The following ABCC4 variants were observed in gnomAD, a reference collection of about 807,000 sequenced individuals.
The protein encoded by ABCC4 is ATP binding cassette subfamily C member 4 (PEL blood group).
ABCC4 carries 102 observed loss-of-function variants against 168.5 expected under a neutral mutation model. The ratio of observed to expected loss-of-function variants is 0.61; its 90% CI spans 0.52 to 0.71. ABCC4 has a LOEUF of 0.71. Ranked by LOEUF, ABCC4 falls within the 30% of genes least tolerant of loss-of-function variation. The probability of loss-of-function intolerance (pLI) is 0.00; values close to 1 mark genes in which losing one functional copy is unlikely to be tolerated. For missense variants in ABCC4, 1,402 were observed against 1,605.8 expected (o/e 0.87, Z 2.17); for synonymous variants, 617 against 590.7 (o/e 1.04, Z -0.65).
intron 30 of ABCC4, among the ~76,000 whole-genome samples, chr13:95,030,548 T>A (rs146702631): frequency 2.3e-4 from 35 of 152,238 alleles, no homozygotes; most frequent in African/African-American, 8.2e-4. Context: ...TTTAAAGGTG[T>A]AATTAAGTTA....
At chr13:95,151,502 G>C (rs949174975) in intron 19 of ABCC4, among the ~76,000 whole-genome samples, 17 of 146,802 alleles carry the variant, frequency 1.2e-4, no homozygotes, top group East Asian at 4.0e-4. Flanking sequence ...AGAAGAAGAA[G>C]AACAAAGAGG....
intron 20 of ABCC4, among the ~76,000 whole-genome samples, chr13:95,097,538 A>C (rs2034643724): frequency 6.6e-6 from 1 of 151,212 alleles, no homozygotes; most frequent in Non-Finnish European, 1.5e-5. Context: ...ATTATAAGCC[A>C]ACTTGACCTG....
At chr13:95,202,987 G>A (rs923971255) in intron 8 of ABCC4, among the ~76,000 whole-genome samples, 2 of 152,030 alleles carry the variant, frequency 1.3e-5, no homozygotes, top group Admixed American at 6.6e-5. Flanking sequence ...TGACGGCCTG[G>A]GCTAAAGCCC....
At chr13:95,188,416 G>A (rs367788854) in intron 10 of ABCC4, 37 bp downstream of exon 10, 10 of 1,579,516 alleles carry the variant, frequency 6.3e-6, no homozygotes, top group Non-Finnish European at 8.7e-6. Flanking sequence ...ATGATAAGTG[G>A]GGTTGCAACA....
chr13:95,218,117 C>T (rs951914846), intron 4 of ABCC4, among the ~76,000 whole-genome samples: 1 of 152,002 alleles, frequency 6.6e-6, no homozygotes, highest in African/African-American at 2.4e-5. Flanking sequence ...ATGACCCTAC[C>T]CCAGAGTTGA....
At chr13:95,238,794 G>C (rs1264466711) in intron 3 of ABCC4, among the ~76,000 whole-genome samples, 1 of 152,164 alleles carries the variant, frequency 6.6e-6, no homozygotes, top group Non-Finnish European at 1.5e-5. Flanking sequence ...CTGACCTCGT[G>C]ATCTGCCTGC....
intron 1 of ABCC4, among the ~76,000 whole-genome samples, chr13:95,268,425 T>A (rs7325813): frequency 0.38 from 57,540 of 151,960 alleles, 12,836 homozygotes; most frequent in African/African-American, 0.63. Flanking sequence ...ACCGTACCCC[T>A]GCCCAACACC....
intron 19 of ABCC4, among the ~76,000 whole-genome samples, chr13:95,143,685 G>A (rs1253461610): frequency 1.3e-5 from 2 of 152,136 alleles, no homozygotes; most frequent in Non-Finnish European, 2.9e-5. Context: ...TATCTCCTAT[G>A]ACACCAAACA....
chr13:95,031,228 G>A (rs950267517), intron 30 of ABCC4, among the ~76,000 whole-genome samples: 2 of 152,232 alleles, frequency 1.3e-5, no homozygotes, highest in Admixed American at 1.3e-4. Flanking sequence ...TGAGAATCAA[G>A]CTGTGTATTT....
In ABCC4 at chr13:95,200,853, A is replaced by G. The variant is rs2038604875; in HGVS notation, c.1161+5679T>C. The stretch of plus-strand genomic sequence containing the variant: ...GATGAACTTGGGGACAAAATTTTAA[A>G]TGGGTTACAGGAACCATCCAGGTTG... On this transcript the variant is annotated intron_variant, in intron 8 of 30. Transcript: ENST00000645237. Among the ~76,000 whole-genome samples the G allele has an allele frequency of 3.3e-5, 5 of 152,258 alleles. No homozygotes were observed. In the South Asian group the frequency reaches 8.3e-4, roughly 25 times the overall value.
At chr13:95,024,215 A>T (rs1289658103) in intron 30 of ABCC4, among the ~76,000 whole-genome samples, 1 of 151,356 alleles carries the variant, frequency 6.6e-6, no homozygotes, top group Non-Finnish European at 1.5e-5. Context: ...TCAAAAAAAA[A>T]AAAAAAAAAA....
At chr13:95,035,156 T>C (rs1240625941) in intron 29 of ABCC4, among the ~76,000 whole-genome samples, 1 of 152,142 alleles carries the variant, frequency 6.6e-6, no homozygotes, top group African/African-American at 2.4e-5. Context: ...AAAGGTAGGG[T>C]AATGTCATAA....
intron 24 of ABCC4, 144 bp from the exon 25 acceptor site, chr13:95,071,997 C>A (rs1473296946): frequency 5.3e-6 from 3 of 562,238 alleles, no homozygotes; most frequent in African/African-American, 1.9e-5. Context: ...TGATGACTTA[C>A]AAATTTGGTT....
At chr13:95,242,041 G>A (rs551190227) in intron 3 of ABCC4, among the ~76,000 whole-genome samples, 111 of 152,080 alleles carry the variant, frequency 7.3e-4, no homozygotes, top group Non-Finnish European at 1.2e-3. Context: ...AAAAAAATTG[G>A]CAACCTCCGG....
chr13:95,143,694 C>T (rs1039031101), intron 19 of ABCC4, among the ~76,000 whole-genome samples: 1 of 152,150 alleles, frequency 6.6e-6, no homozygotes, highest in Non-Finnish European at 1.5e-5. Flanking sequence ...TGACACCAAA[C>T]ACTACAAATT....
intron 26 of ABCC4, among the ~76,000 whole-genome samples, chr13:95,054,190 C>T (rs946486698): frequency 7.9e-5 from 12 of 151,928 alleles, no homozygotes; most frequent in African/African-American, 2.7e-4. Context: ...GGTCACAGAA[C>T]CTCATTATTA....
At chr13:95,272,671 T>C (rs1566589270) in intron 1 of ABCC4, among the ~76,000 whole-genome samples, 1 of 152,064 alleles carries the variant, frequency 6.6e-6, no homozygotes, top group Admixed American at 6.6e-5. Context: ...GTGGATCACC[T>C]GAGGTCAGGA....
chr13:95,130,897 C>T (rs1453278924), intron 19 of ABCC4, among the ~76,000 whole-genome samples: 1 of 152,186 alleles, frequency 6.6e-6, no homozygotes, highest in African/African-American at 2.4e-5. Flanking sequence ...GCATTTCCGG[C>T]TTCCCCACAG....
intron 4 of ABCC4, among the ~76,000 whole-genome samples, chr13:95,232,128 ATGGTGGTGGTGG>A (rs56881654): frequency 7.4e-6 from 1 of 135,360 alleles, no homozygotes; most frequent in Admixed American, 7.4e-5. Flanking sequence ...GCTGATGATG[ATGGTGGTGGTGG>A]TGGTGGTGGT....
Sources: gnomAD v4.1 joint callset for allele counts (sites outside exome capture counted in the v4.1 genomes callset) on GRCh38, gnomAD v4.1.1 for gene constraint, MANE v1.5 for transcripts, NCBI Gene and HGNC (gene_info 2026-07-23, HGNC 2026-07-21) for gene names.